The following MYH4 variants were observed in gnomAD, a reference collection of about 807,000 sequenced individuals.
The protein encoded by MYH4 is myosin-4.
Under a neutral mutation model 229.9 loss-of-function variants are expected in MYH4, and 200 were observed. The observed-to-expected ratio is 0.87, with a 90% confidence interval of 0.78 to 0.98. The LOEUF (loss-of-function observed/expected upper bound fraction) is 0.98, where lower values mean the gene tolerates loss of function less well. Among genes scored for constraint, MYH4 ranks in the 50% least tolerant of loss-of-function variants. The pLI, the probability that MYH4 is intolerant of heterozygous loss-of-function variation, is 0.00. For synonymous variants in MYH4, 761 were observed against 834.6 expected (o/e 0.91, Z 1.52); for missense variants, 2,148 against 2,332.6 (o/e 0.92, Z 1.63).
chr17:10,446,890 G>T, intron 35 of MYH4, 123 bp downstream of exon 35: 1 of 964,456 alleles, frequency 1.0e-6, no homozygotes, highest in Non-Finnish European at 1.5e-6. Flanking sequence ...ACAGCACCCT[G>T]TACATTTTCC....
At chr17:10,462,096 GA>G (rs1379274256) in intron 11 of MYH4, among the ~76,000 whole-genome samples, 1 of 152,150 alleles carries the variant, frequency 6.6e-6, no homozygotes, top group African/African-American at 2.4e-5. Flanking sequence ...TTGACTTCTT[GA>G]AAATAATATT....
In MYH4 at chr17:10,463,039, C is replaced by G. The variant is rs538991161; in HGVS notation, c.904+51G>C. The G allele has an allele frequency of 5.0e-6, 8 of 1,591,680 alleles. No individual in the cohort carries two copies. The African/African-American group carries it at 1.1e-4, about 21-fold the overall frequency. On this transcript the variant is annotated intron_variant, in intron 10 of 39. Transcript: ENST00000255381. ...CATCAAAAACATTTCAGAGAGGCTT[C>G]TTAGAAGGGCTGTTATTCTTTGGTA...
In MYH4 at chr17:10,445,090, C is replaced by T. The variant is rs773605554; in HGVS notation, c.5352G>A (p.Glu1784=). 4.3e-6 allele frequency: 7 copies of T among 1,614,084 alleles called. No individual in the cohort carries two copies. The Admixed American group carries it at 5.0e-5, about 12-fold the overall frequency. Residue 1784 remains glutamate (E), a synonymous_variant, in exon 37 of 40, where the codon GAG becomes GAA. Transcript: ENST00000255381. The part of the protein sequence containing the change: ...KKEQDTSAHL[E]RMKKNMEQTV... ...TCTGCTCCATGTTCTTCTTCATCCG[C>T]TCCAGGTGGGCGCTGGTGTCCTGTT...
intron 30 of MYH4, 69 bp from the exon 31 acceptor site, chr17:10,449,116 G>A (rs2072545663): frequency 7.4e-7 from 1 of 1,351,904 alleles, no homozygotes; most frequent in Non-Finnish European, 1.0e-6. Flanking sequence ...TTATAAAGCT[G>A]CTGACTAGGA....
chr17:10,444,377 T>C (rs2142206798), intron 39 of MYH4, among the ~76,000 whole-genome samples: 1 of 152,316 alleles, frequency 6.6e-6, no homozygotes, highest in African/African-American at 2.4e-5. Flanking sequence ...GAAACATTTG[T>C]ATGTTAACAT....
chr17:10,451,896 G>T lies in MYH4; in HGVS notation c.3738+45C>A, dbSNP rs201769814. 2,146 of 1,549,252 alleles carry T rather than the reference G, an allele frequency of 1.4e-3. 3 individuals carry two copies. The highest frequency in any genetic ancestry group is 2.4e-3 in the Admixed American group (120 of 49,810). ...AGTCATATATAAACTTGGTCATTTT[G>T]AATTGTTGCAAATAAAGATGAAAAG... On this transcript the variant is annotated intron_variant, in intron 27 of 39. Transcript: ENST00000255381.
chr17:10,453,772 C>G lies in MYH4; in HGVS notation c.2805G>C (p.Glu935Asp). 6.2e-7 allele frequency: 1 copy of G among 1,614,082 alleles called. No homozygotes were observed. Among genetic ancestry groups the G allele is most frequent in the Non-Finnish European group, 8.5e-7 (1 of 1,180,002 alleles). ...EVTERAEDEE[E>D]INAELTAKKR... The stretch of plus-strand genomic sequence containing the variant: ...TCTTGGCTGTCAGCTCAGCATTGAT[C>G]TCTTCCTCATCCTCAGCTCTTTCAG... Residue 935 changes from glutamate (E) to aspartate (D), a missense_variant, in exon 23 of 40, where the codon GAG (glutamate) becomes GAC (aspartate). By Grantham distance (45) the Glu-to-Asp change is conservative. Transcript: ENST00000255381.
rs1329796674 is a variant in MYH4, at chr17:10,466,548, A to G, written c.198T>C (p.Ala66=). 1 of 1,613,994 alleles carries G rather than the reference A, an allele frequency of 6.2e-7. No homozygotes were observed. The highest frequency in any genetic ancestry group is 2.2e-5 in the East Asian group (1 of 44,886). The change falls in exon 3 of 40, where the codon GCT becomes GCC. Residue 66 remains alanine (A), a synonymous_variant. Coordinates refer to ENST00000255381, the MANE Select transcript of MYH4 (RefSeq NM_017533.2). The stretch of plus-strand genomic sequence containing the variant: ...TCCAGGTGTTTTTACTCACAGCTCC[A>G]GCTTCGGTCTTGGCTGTCACCTTCC... The part of the protein sequence containing the change: ...EGGKVTAKTE[A]GATVTVKEDQ...
chr17:10,448,255 C>A (rs2072533615), intron 33 of MYH4, 129 bp from the exon 34 acceptor site: 1 of 1,299,338 alleles, frequency 7.7e-7, no homozygotes, highest in South Asian at 1.5e-5. Context: ...CCTATTAGCT[C>A]TGCATTCTCA....
rs2072801064 is a variant in MYH4 at position 10,469,518 on chromosome 17, T to A, written c.-89+19A>T. Reference sequence around the variant, plus strand: ...ATCATCAGGAATGTAAAAGTAAGTGTTCTTCCACATATACATACCTTCAAG... The same window carrying A: ...ATCATCAGGAATGTAAAAGTAAGTGATCTTCCACATATACATACCTTCAAG... On this transcript the variant is annotated intron_variant, in intron 1 of 39. Transcript: ENST00000255381. 1 of 152,222 alleles carries A rather than the reference T, an allele frequency of 6.6e-6. No homozygotes were observed. Among genetic ancestry groups the A allele is most frequent in the Non-Finnish European group, 1.5e-5 (1 of 68,042 alleles). 9.4% of individuals were successfully genotyped at this position (152,222 alleles called of 1,614,324 possible).
intron 15 of MYH4, among the ~76,000 whole-genome samples, chr17:10,458,386 G>A (rs1298927305): frequency 6.6e-6 from 1 of 152,072 alleles, no homozygotes; most frequent in Non-Finnish European, 1.5e-5. Flanking sequence ...TAAAATAAAT[G>A]CCTTTTCTGA....
rs756920610 is a variant in MYH4 at position 10,452,485 on chromosome 17, A to G, written c.3279T>C (p.Asn1093=). The part of the protein sequence containing the change: ...KLKKKEFEMS[N]LQGKIEDEQA... ...GTTCATCTTCAATCTTGCCTTGCAG[A>G]TTGCTCATTTCAAACTCTTTCCTAT... Residue 1093 remains asparagine (N), a synonymous_variant, in exon 26 of 40, where the codon AAT becomes AAC. Coordinates refer to ENST00000255381, the MANE Select transcript of MYH4 (RefSeq NM_017533.2). 15 of 1,613,912 alleles carry G rather than the reference A, an allele frequency of 9.3e-6. No individual in the cohort carries two copies. Among genetic ancestry groups the G allele is most frequent in the Non-Finnish European group, 1.3e-5 (15 of 1,179,990 alleles).
chr17:10,463,516 C>T, intron 8 of MYH4, 35 bp downstream of exon 8: 2 of 1,588,940 alleles, frequency 1.3e-6, no homozygotes, highest in African/African-American at 1.3e-5. Flanking sequence ...AGAATCAGTG[C>T]TGATCCTCAA....
At chr17:10,457,857 C>T in intron 15 of MYH4, 128 bp from the exon 16 acceptor site, 1 of 1,266,406 alleles carries the variant, frequency 7.9e-7, no homozygotes, top group East Asian at 2.4e-5. Context: ...ATAGGCATGA[C>T]ATGTGAAGCA....
Position 10,463,118 on chromosome 17 carries a change from G to A in MYH4, c.876C>T (p.Ile292=). ...TGAGCTCTGGTTTCTTATTGGACAG[G>A]ATTTGATAAAATATGTGGTAGCTTC... ...AERSYHIFYQ[I]LSNKKPELIE... is the part of the protein sequence containing the mutation. The change falls in exon 10 of 40, where the codon ATC becomes ATT. Residue 292 remains isoleucine, a synonymous_variant. Coordinates refer to ENST00000255381, the MANE Select transcript of MYH4 (RefSeq NM_017533.2). 2 of 1,613,362 alleles carry A rather than the reference G, an allele frequency of 1.2e-6. No individual in the cohort carries two copies. Among genetic ancestry groups the A allele is most frequent in the Non-Finnish European group, 1.7e-6 (2 of 1,179,572 alleles).
rs1304190468 is a variant in MYH4, at chr17:10,452,940, T to C, written c.3112-8A>G. 5.6e-6 allele frequency: 9 copies of C among 1,601,084 alleles called. No individual in the cohort carries two copies. The East Asian group carries it at 2.0e-4, about 36-fold the overall frequency. On this transcript the variant is annotated splice_polypyrimidine_tract_variant and splice_region_variant and intron_variant, in intron 24 of 39. Transcript: ENST00000255381. ...TTCCAGAGATCCTTCAAGCTAAATT[T>C]ATGATGCATTTTATTTATTTCAGCT...
Position 10,460,905 on chromosome 17 carries a change from G to T in MYH4, c.1147+11C>A. The T allele has an allele frequency of 6.2e-7, 1 of 1,613,458 alleles. No individual in the cohort carries two copies. Among genetic ancestry groups the T allele is most frequent in the Non-Finnish European group, 8.5e-7 (1 of 1,179,644 alleles). On this transcript the variant is annotated intron_variant, in intron 12 of 39. Transcript: ENST00000255381. Reference sequence around the variant, plus strand: ...CTTTGTCAAGTGGAAGATACCAACAGGGGGTGGTACCTTCCGTGCCATCTG... The same window carrying T: ...CTTTGTCAAGTGGAAGATACCAACATGGGGTGGTACCTTCCGTGCCATCTG...
rs1286934788 is a variant in MYH4 at position 10,447,967 on chromosome 17, C to A, written c.4816G>T (p.Asp1606Tyr). 6.2e-7 allele frequency: 1 copy of A among 1,613,902 alleles called. No homozygotes were observed. Among genetic ancestry groups the A allele is most frequent in the African/African-American group, 1.3e-5 (1 of 74,892 alleles). Residue 1606 changes from aspartate (D) to tyrosine (Y), a missense_variant, in exon 34 of 40, where the codon GAT becomes TAT. By Grantham distance (160) the Asp-to-Tyr change is radical (BLOSUM62 -3). Transcript: ENST00000255381. Reference protein sequence around the residue: ...RVVESMQSTLDAEIRSRNDAL... With the variant: ...RVVESMQSTLYAEIRSRNDAL... ...TCATTTCTGCTCCTGATCTCAGCAT[C>A]CAGTGTACTCTGCATTGACTCCACA...
chr17:10,451,348 CT>C lies in MYH4; in HGVS notation c.3842del (p.Lys1281ArgfsTer15). The stretch of plus-strand genomic sequence containing the variant: ...GACCTGATTCTGTGTGTAAACGTGC[CT>C]TCTGGGCTGACAACTCATTTATTAA... Reference protein sequence around the residue: ...QRLINELSAQKARLHTESGEF... With the variant: ...QRLINELSAQXARLHTESGEF... On this transcript the variant is annotated frameshift_variant, in exon 28 of 40. Coordinates refer to ENST00000255381, the MANE Select transcript of MYH4 (RefSeq NM_017533.2). LOFTEE classifies it high-confidence loss of function. The C allele has an allele frequency of 1.2e-6, 2 of 1,613,994 alleles. No homozygotes were observed. The highest frequency in any genetic ancestry group is 1.7e-6 in the Non-Finnish European group (2 of 1,179,978).
Sources: gnomAD v4.1 joint callset for allele counts (sites outside exome capture counted in the v4.1 genomes callset) on GRCh38, gnomAD v4.1.1 for gene constraint, MANE v1.5 for transcripts, NCBI Gene and HGNC (gene_info 2026-07-23, HGNC 2026-07-21) for gene names.